Variants in CDC42EP4 observed in about 807,000 individuals in gnomAD.
CDC42EP4 encodes CDC42 effector protein 4, also known as CDC42 effector protein (Rho GTPase binding) 4.
CDC42EP4 carries 6 observed loss-of-function variants against 5.6 expected under a neutral mutation model. That is an observed-to-expected ratio of 1.07 (90% confidence interval 0.59 to 2.12). CDC42EP4 has a LOEUF of 2.12. Ranked by LOEUF, CDC42EP4 falls within the 30% of genes most tolerant of loss-of-function variation. The pLI, the probability that CDC42EP4 is intolerant of heterozygous loss-of-function variation, is 0.00. For synonymous variants in CDC42EP4, 230 were observed against 224.2 expected (o/e 1.03, Z -0.23); for missense variants, 490 against 508.6 (o/e 0.96, Z 0.35).
Position 73,283,752 on chromosome 17 carries a change from G to A in CDC42EP4, c.*1678C>T, listed in dbSNP as rs2062114636. On this transcript the variant is annotated 3_prime_UTR_variant, in exon 2 of 2. Coordinates refer to ENST00000335793, the MANE Select transcript of CDC42EP4 (RefSeq NM_012121.5). ...TGGCGGGGGCTGCATAGCCCCTGAG[G>A]TTCCTCCCCCACCATGGGACCTAAG... 2.0e-5 allele frequency: 3 copies of A among 152,366 alleles called. No homozygotes were observed. The South Asian group carries it at 6.2e-4, about 32-fold the overall frequency. The allele number at this position is 152,366 out of a possible 1,614,324, so 9.4% of individuals were successfully genotyped here.
At chr17:73,296,060 G>C (rs917580277) in intron 1 of CDC42EP4, among the ~76,000 whole-genome samples, 2 of 151,654 alleles carry the variant, frequency 1.3e-5, no homozygotes, top group South Asian at 2.1e-4. Context: ...AGTCACACAC[G>C]TATTTGTTGA....
At position 73,301,234 on chromosome 17, in the gene CDC42EP4, TCTTA is replaced by T. The variant is rs751476404; in HGVS notation, c.-113+10655_-113+10658del. 9.3e-4 allele frequency among the ~76,000 whole-genome samples: 142 copies of T among 152,334 alleles called. 1 individual carries two copies. The highest frequency in any genetic ancestry group is 2.9e-3 in the Admixed American group (44 of 15,290). On this transcript the variant is annotated intron_variant, in intron 1 of 1. Coordinates refer to ENST00000335793, the MANE Select transcript of CDC42EP4 (RefSeq NM_012121.5). ...TAGTGAGTCAAAATGTACCATTTCC[TCTTA>T]CTTGTTAAAATGTAACTATTAAAAT...
chr17:73,299,535 C>G (rs1472535439), intron 1 of CDC42EP4, among the ~76,000 whole-genome samples: 1 of 151,884 alleles, frequency 6.6e-6, no homozygotes. Context: ...GAACTCCTAG[C>G]TTCAAGCAAT....
chr17:73,292,323 T>C (rs1164541956), intron 1 of CDC42EP4, among the ~76,000 whole-genome samples: 1 of 152,248 alleles, frequency 6.6e-6, no homozygotes, highest in African/African-American at 2.4e-5. Flanking sequence ...TAGTGCACGA[T>C]GACTTTAGTT....
At chr17:73,297,343 G>A (rs1314142455) in intron 1 of CDC42EP4, among the ~76,000 whole-genome samples, 4 of 141,154 alleles carry the variant, frequency 2.8e-5, no homozygotes, top group East Asian at 2.2e-4. Flanking sequence ...GTGTTGTGGC[G>A]CGTGCCTGTA....
chr17:73,292,587 TG>T (rs1209993215), intron 1 of CDC42EP4, among the ~76,000 whole-genome samples: 1 of 150,778 alleles, frequency 6.6e-6, no homozygotes, highest in African/African-American at 2.4e-5. Context: ...GGGAAAGGGG[TG>T]GTATGAGTGG....
intron 1 of CDC42EP4, among the ~76,000 whole-genome samples, chr17:73,294,284 G>A (rs553393372): frequency 2.1e-4 from 32 of 152,212 alleles, no homozygotes; most frequent in African/African-American, 7.7e-4. Flanking sequence ...CCCAGGAGGT[G>A]GAGGTTGCAG....
chr17:73,302,600 G>C (rs760454183), intron 1 of CDC42EP4, among the ~76,000 whole-genome samples: 1 of 151,908 alleles, frequency 6.6e-6, no homozygotes, highest in African/African-American at 2.4e-5. Flanking sequence ...CCTCAGTCCC[G>C]AGTAGCTGGG....
chr17:73,296,417 CAAAA>C (rs541518590), intron 1 of CDC42EP4, among the ~76,000 whole-genome samples: 11 of 95,806 alleles, frequency 1.1e-4, no homozygotes, highest in Admixed American at 1.2e-4. Flanking sequence ...GACTCCATCT[CAAAA>C]AAAAAAAAAA....
In CDC42EP4 at chr17:73,285,973, G is replaced by T; in HGVS notation, c.528C>A (p.Asp176Glu). ...CAAAGGCCTGCTCATCGAGGAGGGGGTCAGGGGAATGTGGACCCGCGGCCC... is the reference window on the plus strand; with the variant it reads ...CAAAGGCCTGCTCATCGAGGAGGGGTTCAGGGGAATGTGGACCCGCGGCCC... ...RNGAAGPHSPDPLLDEQAFGD... is the reference protein window; with the variant it reads ...RNGAAGPHSPEPLLDEQAFGD... Residue 176 changes from aspartate (D) to glutamate (E), a missense_variant, in exon 2 of 2, where the codon GAC (aspartate) becomes GAA (glutamate). Transcript: ENST00000335793. This position sits in a 1 kb window ranked among gnomAD's most constrained non-coding sequence, Gnocchi z 6.8. The T allele has an allele frequency of 6.2e-7, 1 of 1,613,632 alleles. No homozygotes were observed. Among genetic ancestry groups the T allele is most frequent in the Non-Finnish European group, 8.5e-7 (1 of 1,179,904 alleles).
chr17:73,286,201 A>G lies in CDC42EP4; in HGVS notation c.300T>C (p.Arg100=). Residue 100 remains arginine (R), a synonymous_variant, in exon 2 of 2, where the codon CGT becomes CGC. Transcript: ENST00000335793. This position sits in a 1 kb window ranked among gnomAD's most constrained non-coding sequence, Gnocchi z 7.7. ...QSVTRGEREQ[R]DMLGSLRDSA... is the part of the protein sequence containing the mutation. ...AGTCCCGCAGGGAGCCCAGCATGTC[A>G]CGCTGCTCCCGCTCCCCCCTGGTCA... The G allele has an allele frequency of 1.9e-6, 3 of 1,614,048 alleles. No individual in the cohort carries two copies. Among genetic ancestry groups the G allele is most frequent in the Non-Finnish European group, 2.5e-6 (3 of 1,180,020 alleles).
At chr17:73,301,634 A>C in intron 1 of CDC42EP4, among the ~76,000 whole-genome samples, 1 of 147,996 alleles carries the variant, frequency 6.8e-6, no homozygotes, top group African/African-American at 2.5e-5. Flanking sequence ...GCAACCTTCC[A>C]CTCCTGGGTT....
chr17:73,311,070 G>C (rs1345789516), intron 1 of CDC42EP4: 1 of 152,214 alleles, frequency 6.6e-6, no homozygotes, highest in Non-Finnish European at 1.5e-5. Context: ...CCCGCTGAGC[G>C]CGCTGAGCTC....
In CDC42EP4 at chr17:73,297,001, A is replaced by AAAAAACAAAAAAAAAAAAAACAC. The variant is rs547362762; in HGVS notation, c.-112-10390_-112-10389insGTGTTTTTTTTTTTTTTGTTTTT. 1.1e-4 allele frequency among the ~76,000 whole-genome samples: 7 copies of AAAAAACAAAAAAAAAAAAAACAC among 61,734 alleles called. 1 individual carries two copies. Among genetic ancestry groups the AAAAAACAAAAAAAAAAAAAACAC allele is most frequent in the African/African-American group, 3.7e-4 (7 of 18,714 alleles). The allele number at this position is 61,734 out of a possible 152,430, so 40.5% of individuals were successfully genotyped here. ...GTCTCAAAAAAAAAAAAAAAAAAAA[A>AAAAAACAAAAAAAAAAAAAACAC]AAATACACAAGGCCAAGCGCCGTGG... On this transcript the variant is annotated intron_variant, in intron 1 of 1. Transcript: ENST00000335793.
At position 73,286,121 on chromosome 17, in the gene CDC42EP4, G is replaced by T; in HGVS notation, c.380C>A (p.Ala127Asp). Residue 127 changes from alanine (A) to aspartate (D), a missense_variant, in exon 2 of 2, where the codon GCC (alanine) becomes GAC (aspartate). Ala to Asp is a moderately radical substitution (Grantham distance 126). Transcript: ENST00000335793. This position sits in a 1 kb window ranked among gnomAD's most constrained non-coding sequence, Gnocchi z 7.7. ...CAGCTTACTGGTGCCCTTCTCCGCG[G>T]CCTCCTTCTCATTGAGCTGGGGCAG... Reference protein sequence around the residue: ...MSLPQLNEKEAAEKGTSKLPK... With the variant: ...MSLPQLNEKEDAEKGTSKLPK... 1.9e-6 allele frequency: 3 copies of T among 1,613,980 alleles called. No homozygotes were observed. The African/African-American group carries it at 4.0e-5, about 22-fold the overall frequency.
chr17:73,304,035 T>A (rs1169687165), intron 1 of CDC42EP4, among the ~76,000 whole-genome samples: 1 of 152,156 alleles, frequency 6.6e-6, no homozygotes, highest in Non-Finnish European at 1.5e-5. Context: ...ATAACATCTC[T>A]CCATGTGGAT....
At chr17:73,288,690 C>G (rs1362622843) in intron 1 of CDC42EP4, among the ~76,000 whole-genome samples, 1 of 152,178 alleles carries the variant, frequency 6.6e-6, no homozygotes, top group South Asian at 2.1e-4. Flanking sequence ...CCTCTCCTCC[C>G]CTTCTGCCCA....
rs1489746413 is a variant in CDC42EP4 at position 73,285,436 on chromosome 17, A to G, written c.1065T>C (p.Arg355=). The G allele has an allele frequency of 6.5e-7, 1 of 1,548,958 alleles. No individual in the cohort carries two copies. The highest frequency in any genetic ancestry group is 1.9e-5 in the Admixed American group (1 of 52,716). ...TGGCCACCCACTGTCCGCCTCACACACGGATTTCATCCTCCTCCTCCTCAT... is the reference window on the plus strand; with the variant it reads ...TGGCCACCCACTGTCCGCCTCACACGCGGATTTCATCCTCCTCCTCCTCAT... ...FMDEEEEDEI[R]V The change falls in exon 2 of 2, where the codon CGT becomes CGC. Residue 355 remains arginine, a synonymous_variant. Coordinates refer to ENST00000335793, the MANE Select transcript of CDC42EP4 (RefSeq NM_012121.5). The surrounding 1 kb of genome is among the most constrained non-coding windows in gnomAD (Gnocchi z 6.8).
At chr17:73,300,741 A>G (rs1599438859) in intron 1 of CDC42EP4, among the ~76,000 whole-genome samples, 1 of 152,300 alleles carries the variant, frequency 6.6e-6, no homozygotes, top group East Asian at 1.9e-4. Context: ...ACACATAAAA[A>G]TAAACACACA....
Sources: gnomAD v4.1 joint callset for allele counts (sites outside exome capture counted in the v4.1 genomes callset) on GRCh38, gnomAD v4.1.1 for gene constraint, Gnocchi (gnomAD v3.1) non-coding constraint, MANE v1.5 for transcripts, NCBI Gene and HGNC (gene_info 2026-07-23, HGNC 2026-07-21) for gene names.